GYPC: variants seen among roughly 807,000 people sequenced by gnomAD.
GYPC encodes glycophorin C (Gerbich blood group), also known as glycophorin-C.
Under a neutral mutation model 12.6 loss-of-function variants are expected in GYPC, and 14 were observed. That is an observed-to-expected ratio of 1.11 (90% CI 0.74 to 1.74). The LOEUF is 1.74. Among genes scored for constraint, GYPC ranks in the 40% most tolerant of loss-of-function variants. The pLI is 0.00. For synonymous variants in GYPC, 78 were observed against 62.1 expected, an observed-to-expected ratio of 1.26 and a Z score of -1.20; for missense variants, 225 against 172.1, an observed-to-expected ratio of 1.31 and a Z score of -1.72.
chr2:126,691,302 A>G (rs1373706674), intron 2 of GYPC, among the ~76,000 whole-genome samples: 1 of 151,862 alleles, frequency 6.6e-6, no homozygotes, highest in Admixed American at 6.6e-5. Context: ...CCTCACTCTC[A>G]AGGTCCTGAG....
At chr2:126,692,442 A>G (rs1166763768) in intron 2 of GYPC, among the ~76,000 whole-genome samples, 1 of 152,154 alleles carries the variant, frequency 6.6e-6, no homozygotes, top group Non-Finnish European at 1.5e-5. Context: ...ACTGGGGAGA[A>G]TGACCTCATA....
chr2:126,687,462 C>T (rs1206873836), intron 1 of GYPC, among the ~76,000 whole-genome samples: 1 of 152,204 alleles, frequency 6.6e-6, no homozygotes, highest in African/African-American at 2.4e-5. Flanking sequence ...GAATTGCTGT[C>T]TCACAGCATC....
At chr2:126,684,562 G>A (rs1466863815) in intron 1 of GYPC, among the ~76,000 whole-genome samples, 1 of 152,160 alleles carries the variant, frequency 6.6e-6, no homozygotes, top group Non-Finnish European at 1.5e-5. Flanking sequence ...AGCCTTTCCT[G>A]AGGATACTGG....
At chr2:126,658,499 T>G (rs1682435531) in intron 1 of GYPC, 1 of 152,234 alleles carries the variant, frequency 6.6e-6, no homozygotes, top group Admixed American at 6.5e-5. Context: ...CAGACCTGTA[T>G]GTACATCTAT....
At chr2:126,656,458 A>AT in intron 1 of GYPC, 146 bp downstream of exon 1, 1 of 662,824 alleles carries the variant, frequency 1.5e-6, no homozygotes, top group Admixed American at 3.0e-5. Context: ...CTGGGCTCAG[A>AT]TCCCCGACTC....
At chr2:126,689,963 A>T (rs1448296086) in intron 1 of GYPC, among the ~76,000 whole-genome samples, 1 of 152,194 alleles carries the variant, frequency 6.6e-6, no homozygotes, top group Non-Finnish European at 1.5e-5. Flanking sequence ...AGCATCTACC[A>T]CATGCAGGCA....
chr2:126,684,679 G>A (rs1028790465), intron 1 of GYPC, among the ~76,000 whole-genome samples: 3 of 152,178 alleles, frequency 2.0e-5, no homozygotes, highest in East Asian at 1.9e-4. Flanking sequence ...TGGCCTTAAC[G>A]GTGGAGCATA....
intron 2 of GYPC, among the ~76,000 whole-genome samples, chr2:126,691,901 T>G (rs1683478226): frequency 6.6e-6 from 1 of 152,192 alleles, no homozygotes; most frequent in Admixed American, 6.6e-5. Flanking sequence ...TCTATAACCA[T>G]CCATGCCTAC....
intron 1 of GYPC, among the ~76,000 whole-genome samples, chr2:126,671,225 C>T (rs1682844810): frequency 1.3e-5 from 2 of 152,240 alleles, no homozygotes; most frequent in African/African-American, 4.8e-5. Context: ...CCCCTCTCTC[C>T]TGCCCTCCTC....
chr2:126,690,811 C>A (rs550953265), intron 2 of GYPC, among the ~76,000 whole-genome samples: 2 of 152,262 alleles, frequency 1.3e-5, no homozygotes, highest in South Asian at 4.1e-4. Context: ...GCAACGGGCT[C>A]CCCATGGGTC....
At chr2:126,664,708 AT>A (rs1425313360) in intron 1 of GYPC, among the ~76,000 whole-genome samples, 1 of 152,232 alleles carries the variant, frequency 6.6e-6, no homozygotes, top group East Asian at 1.9e-4. Flanking sequence ...AGCTCAGCCC[AT>A]TGGAGGTTGA....
chr2:126,673,470 G>A (rs553976100), intron 1 of GYPC, among the ~76,000 whole-genome samples: 1 of 152,298 alleles, frequency 6.6e-6, no homozygotes, highest in African/African-American at 2.4e-5. Flanking sequence ...CTCGGGAGGA[G>A]AGTGTCATTA....
At chr2:126,660,547 G>T (rs1682507071) in intron 1 of GYPC, among the ~76,000 whole-genome samples, 1 of 152,130 alleles carries the variant, frequency 6.6e-6, no homozygotes, top group African/African-American at 2.4e-5. Flanking sequence ...ACAGATTCCT[G>T]AGTCTGCCTT....
chr2:126,687,229 C>CG (rs1279356205), intron 1 of GYPC, among the ~76,000 whole-genome samples: 1 of 152,178 alleles, frequency 6.6e-6, no homozygotes, highest in East Asian at 1.9e-4. Context: ...CTTTGTGCAG[C>CG]AAACTCCTAT....
At chr2:126,690,836 A>G (rs575762223) in intron 2 of GYPC, among the ~76,000 whole-genome samples, 2 of 152,132 alleles carry the variant, frequency 1.3e-5, no homozygotes, top group Non-Finnish European at 2.9e-5. Flanking sequence ...CTGTGACTGC[A>G]AACTGTGTTT....
chr2:126,656,759 C>G (rs1040405600), intron 1 of GYPC, among the ~76,000 whole-genome samples: 1 of 152,240 alleles, frequency 6.6e-6, no homozygotes, highest in African/African-American at 2.4e-5. Flanking sequence ...CCAGCCTTGC[C>G]CAGGGACTTG....
At chr2:126,694,328 C>T (rs1304080476) in intron 3 of GYPC, among the ~76,000 whole-genome samples, 1 of 152,040 alleles carries the variant, frequency 6.6e-6, no homozygotes, top group African/African-American at 2.4e-5. Context: ...GGGTCCATGA[C>T]CCTCAACCCT....
intron 1 of GYPC, among the ~76,000 whole-genome samples, chr2:126,685,490 T>C (rs1432486061): frequency 3.3e-5 from 5 of 152,110 alleles, no homozygotes; most frequent in Admixed American, 2.6e-4. Flanking sequence ...GTTCAAGTGA[T>C]TCTCCTGCCT....
At chr2:126,676,297 G>C (rs1449728792) in intron 1 of GYPC, among the ~76,000 whole-genome samples, 1 of 152,222 alleles carries the variant, frequency 6.6e-6, no homozygotes, top group African/African-American at 2.4e-5. Flanking sequence ...TGCTTTTGAA[G>C]TGCTAAGAAC....
Sources: gnomAD v4.1 joint callset for allele counts (sites outside exome capture counted in the v4.1 genomes callset) on GRCh38, gnomAD v4.1.1 for gene constraint, MANE v1.5 for transcripts, NCBI Gene and HGNC (gene_info 2026-07-23, HGNC 2026-07-21) for gene names.